Variants in KLHL14 observed in about 807,000 individuals in gnomAD.
KLHL14 encodes the protein kelch-like protein 14.
KLHL14 carries 22 observed loss-of-function variants against 64.3 expected under a neutral mutation model. The ratio of observed to expected loss-of-function variants is 0.34; its 90% CI spans 0.24 to 0.49. The LOEUF (loss-of-function observed/expected upper bound fraction) is 0.49. Ranked by LOEUF, KLHL14 falls within the 20% of genes least tolerant of loss-of-function variation. KLHL14 has a pLI of 0.99. For synonymous variants in KLHL14, 322 were observed against 333.4 expected (o/e 0.97, Z 0.37); for missense variants, 661 against 789.0 (o/e 0.84, Z 1.94).
At chr18:32,731,504 G>T (rs549079259) in intron 3 of KLHL14, among the ~76,000 whole-genome samples, 1 of 152,222 alleles carries the variant, frequency 6.6e-6, no homozygotes, top group Admixed American at 6.5e-5. Context: ...GGTGGGAGGA[G>T]GGAGAGGAGC....
chr18:32,678,979 C>G (rs1259834385), intron 7 of KLHL14, among the ~76,000 whole-genome samples: 1 of 152,042 alleles, frequency 6.6e-6, no homozygotes, highest in Non-Finnish European at 1.5e-5. Flanking sequence ...TAGAAGGATA[C>G]AAAGTTAATA....
chr18:32,743,777 T>G (rs1296140132), intron 2 of KLHL14: 1 of 152,200 alleles, frequency 6.6e-6, no homozygotes, highest in African/African-American at 2.4e-5. Context: ...GAAAAATCAG[T>G]GCAGTCTGTA....
At chr18:32,706,842 G>A (rs1326960786) in intron 3 of KLHL14, among the ~76,000 whole-genome samples, 4 of 152,150 alleles carry the variant, frequency 2.6e-5, no homozygotes, top group Non-Finnish European at 5.9e-5. Context: ...TGGATCAGAT[G>A]TGTGCATGTC....
At chr18:32,695,929 G>T (rs923293333) in intron 3 of KLHL14, among the ~76,000 whole-genome samples, 2 of 152,118 alleles carry the variant, frequency 1.3e-5, no homozygotes, top group Non-Finnish European at 2.9e-5. Context: ...CTTGGAAGAA[G>T]TAACCCTGAA....
chr18:32,736,719 C>G (rs2050168230), intron 3 of KLHL14, among the ~76,000 whole-genome samples: 1 of 152,076 alleles, frequency 6.6e-6, no homozygotes, highest in Non-Finnish European at 1.5e-5. Context: ...AGACACTATA[C>G]TCCCTCTTGT....
In KLHL14 at chr18:32,770,109, G is replaced by C. The variant is rs1244970837; in HGVS notation, c.483C>G (p.Ser161Arg). Residue 161 changes from serine (S) to arginine (R), a missense_variant, in exon 2 of 9, where the codon AGC (serine) becomes AGG (arginine). By Grantham distance (110) the Ser-to-Arg change is moderately radical. Transcript: ENST00000359358. This position sits in a 1 kb window ranked among gnomAD's most constrained non-coding sequence, Gnocchi z 6.7. Reference protein sequence around the residue: ...LDTVEEVLSVSKILHIPQVTK... With the variant: ...LDTVEEVLSVRKILHIPQVTK... ...TGACCTGGGGGATGTGCAGGATCTT[G>C]CTGACCGACAGCACCTCCTCCACCG... 1 of 1,614,176 alleles carries C rather than the reference G, an allele frequency of 6.2e-7. No individual in the cohort carries two copies. The highest frequency in any genetic ancestry group is 1.7e-5 in the Admixed American group (1 of 60,022).
At chr18:32,697,627 T>C (rs1474756371) in intron 3 of KLHL14, among the ~76,000 whole-genome samples, 3 of 152,208 alleles carry the variant, frequency 2.0e-5, no homozygotes, top group African/African-American at 7.2e-5. Flanking sequence ...GTACAGTCTC[T>C]GAAAATAAAA....
chr18:32,702,929 G>A (rs1051094666), intron 3 of KLHL14, among the ~76,000 whole-genome samples: 8 of 152,152 alleles, frequency 5.3e-5, no homozygotes, highest in African/African-American at 1.9e-4. Flanking sequence ...ACATTTAGGA[G>A]GCTGTGCAAG....
intron 3 of KLHL14, among the ~76,000 whole-genome samples, chr18:32,727,103 C>A (rs763982511): frequency 2.0e-5 from 3 of 152,200 alleles, no homozygotes; most frequent in African/African-American, 4.8e-5. Flanking sequence ...GCAATAGAAT[C>A]AGGTGTTGGC....
chr18:32,768,338 G>A (rs9954239), intron 2 of KLHL14, among the ~76,000 whole-genome samples: 49,254 of 151,178 alleles, frequency 0.33, 8,375 homozygotes, highest in South Asian at 0.44. Flanking sequence ...AGTGTAGAGA[G>A]TATCTTCCAT....
At chr18:32,697,013 A>G (rs1243032641) in intron 3 of KLHL14, among the ~76,000 whole-genome samples, 1 of 152,166 alleles carries the variant, frequency 6.6e-6, no homozygotes, top group Non-Finnish European at 1.5e-5. Flanking sequence ...TTGGTGTGTA[A>G]ACCTCCAATC....
chr18:32,746,655 T>C (rs1206894865), intron 2 of KLHL14, among the ~76,000 whole-genome samples: 1 of 152,262 alleles, frequency 6.6e-6, no homozygotes, highest in Non-Finnish European at 1.5e-5. Context: ...AATCAGCTGA[T>C]ATGCTGGCAC....
chr18:32,743,633 C>T (rs2050210137), intron 2 of KLHL14: 1 of 152,228 alleles, frequency 6.6e-6, no homozygotes, highest in South Asian at 2.1e-4. Flanking sequence ...CAAACCCAAA[C>T]TCTGAATTTG....
Position 32,742,061 on chromosome 18 carries a change from A to T in KLHL14, c.948-12T>A, listed in dbSNP as rs1230178708. 1 of 1,611,444 alleles carries T rather than the reference A, an allele frequency of 6.2e-7. No individual in the cohort carries two copies. The highest frequency in any genetic ancestry group is 8.5e-7 in the Non-Finnish European group (1 of 1,179,456). ...TGTTAGAGCGAATTCTTCACCCAAAACAAAAGAGGAGATGAATAACCACAT... is the reference window on the plus strand; with the variant it reads ...TGTTAGAGCGAATTCTTCACCCAAATCAAAAGAGGAGATGAATAACCACAT... On this transcript the variant is annotated splice_polypyrimidine_tract_variant and intron_variant, in intron 2 of 8. Transcript: ENST00000359358.
chr18:32,736,119 T>C (rs1427866839), intron 3 of KLHL14, among the ~76,000 whole-genome samples: 1 of 152,164 alleles, frequency 6.6e-6, no homozygotes, highest in Non-Finnish European at 1.5e-5. Flanking sequence ...ACAATTGCTA[T>C]ATTCAAGAGA....
intron 2 of KLHL14, among the ~76,000 whole-genome samples, chr18:32,764,303 T>A (rs1257555777): frequency 1.3e-5 from 2 of 152,178 alleles, no homozygotes; most frequent in Non-Finnish European, 2.9e-5. Context: ...GAGAAACTCA[T>A]CCATTGTTTT....
At chr18:32,682,597 T>C (rs919425031) in intron 5 of KLHL14, among the ~76,000 whole-genome samples, 29 of 152,198 alleles carry the variant, frequency 1.9e-4, no homozygotes, top group African/African-American at 7.0e-4. Context: ...TTTTCTGGTA[T>C]GAGGGACTAA....
rs1325906082 is a variant in KLHL14, at chr18:32,680,262, C to A, written c.1495G>T (p.Ala499Ser). The A allele has an allele frequency of 4.3e-6, 7 of 1,613,874 alleles. No individual in the cohort carries two copies. Among genetic ancestry groups the A allele is most frequent in the Non-Finnish European group, 5.9e-6 (7 of 1,179,846 alleles). ...YCYDPVMDVW[A>S]RKQDMNTKRA... ...TTTGTGTTCATATCTTGTTTTCGAG[C>A]CCAGACATCCATTACTGGGTCATAG... The change falls in exon 7 of 9, where the codon GCT (alanine) becomes TCT (serine). Residue 499 changes from alanine to serine, a missense_variant. Transcript: ENST00000359358. The surrounding 1 kb of genome is among the most constrained non-coding windows in gnomAD (Gnocchi z 4.8).
rs1262387979 is a variant in KLHL14, at chr18:32,770,699, CGGGGTGGGGAA to C, written c.-43-76_-43-66del. ...GGTGGTGGAGCGGGTGGGGTGTGGTCGGGGTGGGGAAGGGTGTGGAGGGGAGGGGAGGGCGA... is the reference window on the plus strand; with the variant it reads ...GGTGGTGGAGCGGGTGGGGTGTGGTCGGGTGTGGAGGGGAGGGGAGGGCGA... On this transcript the variant is annotated intron_variant, in intron 1 of 8. Coordinates refer to ENST00000359358, the MANE Select transcript of KLHL14 (RefSeq NM_020805.3). The surrounding 1 kb of genome is among the most constrained non-coding windows in gnomAD (Gnocchi z 6.7). The C allele has an allele frequency of 1.2e-4, 2 of 16,684 alleles. No individual in the cohort carries two copies. The highest frequency in any genetic ancestry group is 5.3e-4 in the African/African-American group (2 of 3,762). 1.0% of individuals were successfully genotyped at this position (16,684 alleles called of 1,614,324 possible).
Sources: allele counts gnomAD v4.1 joint callset (sites outside exome capture counted in the v4.1 genomes callset), GRCh38; gene constraint gnomAD v4.1.1; non-coding constraint Gnocchi (gnomAD v3.1); transcripts MANE v1.5; gene names NCBI Gene and HGNC (gene_info 2026-07-23, HGNC 2026-07-21).